The following PCDHA13 variants were observed in gnomAD, a reference collection of about 807,000 sequenced individuals.
PCDHA13 encodes the protein protocadherin alpha 13.
A neutral mutation model predicts 64.8 loss-of-function variants in PCDHA13; 54 were observed. The ratio of observed to expected loss-of-function variants is 0.83; its 90% CI spans 0.67 to 1.04. The LOEUF (loss-of-function observed/expected upper bound fraction) is 1.04, where lower values mean the gene tolerates loss of function less well. Among genes scored for constraint, PCDHA13 ranks in the 50% least tolerant of loss-of-function variants. The pLI is 0.00. For synonymous variants in PCDHA13, 587 were observed against 564.4 expected, an observed-to-expected ratio of 1.04 and a Z score of -0.57; for missense variants, 1,248 against 1,254.3, an observed-to-expected ratio of 0.99 and a Z score of 0.08.
chr5:140,965,496 A>ATT lies in PCDHA13; in HGVS notation c.2395-13439_2395-13438dup, dbSNP rs71766133. On this transcript the variant is annotated intron_variant, in intron 1 of 3. Coordinates refer to ENST00000289272, the MANE Select transcript of PCDHA13 (RefSeq NM_018904.3). Reference sequence around the variant, plus strand: ...CCCACATTTTGCTTAATGACAGCAGATTTTTTTTTTTTTTTAACTGCAAAG... The same window carrying ATT: ...CCCACATTTTGCTTAATGACAGCAGATTTTTTTTTTTTTTTTTAACTGCAAAG... Among the ~76,000 whole-genome samples the ATT allele has an allele frequency of 3.3e-3, 482 of 146,482 alleles. 3 individuals are homozygous for ATT. The highest frequency in any genetic ancestry group is 0.011 in the African/African-American group (455 of 40,032).
At chr5:140,999,398 A>G (rs17119351) in intron 3 of PCDHA13, among the ~76,000 whole-genome samples, 13,435 of 152,202 alleles carry the variant, frequency 0.088, 686 homozygotes, top group African/African-American at 0.14. Flanking sequence ...TTTGTTTTGC[A>G]TATGAAAGAA....
At chr5:140,957,029 T>G (rs782472701) in intron 1 of PCDHA13, among the ~76,000 whole-genome samples, 4 of 152,190 alleles carry the variant, frequency 2.6e-5, no homozygotes, top group African/African-American at 4.8e-5. Flanking sequence ...TTTAGATATT[T>G]ATGGGAGTCA....
rs782194896 is a variant in PCDHA13 at position 140,992,662 on chromosome 5, G to A, written c.2542+10099G>A. Among the ~76,000 whole-genome samples, 4 of 152,160 alleles carry A rather than the reference G, an allele frequency of 2.6e-5. 1 individual carries two copies. The highest frequency in any genetic ancestry group is 5.9e-5 in the Non-Finnish European group (4 of 68,028). ...GAAAATAGAAGAAAGAGCCTGATTGGTGTGTATGTGTGTGTTAGGGGTTGA... is the reference window on the plus strand; with the variant it reads ...GAAAATAGAAGAAAGAGCCTGATTGATGTGTATGTGTGTGTTAGGGGTTGA... On this transcript the variant is annotated intron_variant, in intron 3 of 3. Transcript: ENST00000289272.
At position 140,900,792 on chromosome 5, in the gene PCDHA13, C is replaced by T. The variant is rs373914544; in HGVS notation, c.2394+16130C>T. On this transcript the variant is annotated intron_variant, in intron 1 of 3. Transcript: ENST00000289272. ...CTTTTTGAGGAAACTCCAAACTGTT[C>T]TCCATAGTGCTTGTACTAATTTACA... 1.1e-4 allele frequency among the ~76,000 whole-genome samples: 16 copies of T among 152,298 alleles called. No individual in the cohort carries two copies. The South Asian group carries it at 1.5e-3, about 14-fold the overall frequency.
chr5:140,910,661 A>G (rs1289499574), intron 1 of PCDHA13, among the ~76,000 whole-genome samples: 1 of 152,186 alleles, frequency 6.6e-6, no homozygotes, highest in Non-Finnish European at 1.5e-5. Context: ...CTTCCTCTAC[A>G]TTAAACCAAG....
chr5:140,999,678 G>A (rs1204037119), intron 3 of PCDHA13, among the ~76,000 whole-genome samples: 2 of 152,112 alleles, frequency 1.3e-5, no homozygotes, highest in East Asian at 1.9e-4. Context: ...GGGGCTCACA[G>A]AAAGAAGAAA....
chr5:141,009,582 G>A, intron 3 of PCDHA13, 45 bp from the exon 4 acceptor site: 1 of 1,590,226 alleles, frequency 6.3e-7, no homozygotes, highest in Non-Finnish European at 8.6e-7. Context: ...GGCATCAAGA[G>A]CATGTGTTGA....
chr5:140,884,456 G>A lies in PCDHA13; in HGVS notation c.2188G>A (p.Gly730Ser), dbSNP rs1460569799. 2.5e-6 allele frequency: 4 copies of A among 1,613,650 alleles called. No individual in the cohort carries two copies. In the African/African-American group the frequency reaches 5.3e-5, roughly 22 times the overall value. ...ALRCSAPPTEGACAPGKPTLV... is the reference protein window; with the variant it reads ...ALRCSAPPTESACAPGKPTLV... The stretch of plus-strand genomic sequence containing the variant: ...GCGGTGCTCGGCACCGCCCACCGAG[G>A]GCGCGTGCGCGCCGGGCAAGCCCAC... The change falls in exon 1 of 4, where the codon GGC becomes AGC. Residue 730 changes from glycine (G) to serine (S), a missense_variant. Physicochemically the swap from Gly to Ser is moderately conservative, Grantham distance 56. Coordinates refer to ENST00000289272, the MANE Select transcript of PCDHA13 (RefSeq NM_018904.3).
intron 1 of PCDHA13, among the ~76,000 whole-genome samples, chr5:140,964,843 T>C (rs1229980696): frequency 6.6e-6 from 1 of 152,162 alleles, no homozygotes; most frequent in African/African-American, 2.4e-5. Flanking sequence ...TCCTACTCTG[T>C]ACCCTTGAGG....
At chr5:140,990,512 CTT>C (rs1323641272) in intron 3 of PCDHA13, among the ~76,000 whole-genome samples, 1 of 152,202 alleles carries the variant, frequency 6.6e-6, no homozygotes, top group African/African-American at 2.4e-5. Context: ...AGTCTTCTCT[CTT>C]GTCTTTTTTG....
In PCDHA13 at chr5:140,884,439, C is replaced by T. The variant is rs1554181562; in HGVS notation, c.2171C>T (p.Ser724Leu). 6.2e-7 allele frequency: 1 copy of T among 1,613,818 alleles called. No homozygotes were observed. The highest frequency in any genetic ancestry group is 8.5e-7 in the Non-Finnish European group (1 of 1,179,818). ...TLLLYTALRC[S>L]APPTEGACAP... ...CTGCTGTATACTGCGCTGCGGTGCT[C>T]GGCACCGCCCACCGAGGGCGCGTGC... is the stretch of plus-strand genomic sequence containing the variant. The change falls in exon 1 of 4, where the codon TCG (serine) becomes TTG (leucine). Residue 724 changes from serine (S) to leucine (L), a missense_variant. Transcript: ENST00000289272.
chr5:140,910,715 A>C (rs2075137767), intron 1 of PCDHA13, among the ~76,000 whole-genome samples: 1 of 152,118 alleles, frequency 6.6e-6, no homozygotes, highest in Admixed American at 6.5e-5. Flanking sequence ...GCCATCTTTT[A>C]ATCCATATTT....
intron 3 of PCDHA13, among the ~76,000 whole-genome samples, chr5:140,993,344 A>G (rs1379621962): frequency 1.3e-5 from 2 of 152,022 alleles, no homozygotes; most frequent in Admixed American, 6.6e-5. Context: ...GAAGGGCACT[A>G]CGAAGATCCT....
intron 1 of PCDHA13, among the ~76,000 whole-genome samples, chr5:140,917,076 T>C (rs986884478): frequency 1.3e-5 from 2 of 152,124 alleles, no homozygotes; most frequent in East Asian, 3.9e-4. Flanking sequence ...CCGAGTTTAA[T>C]GTAAAGTTCC....
At chr5:140,968,020 C>G (rs1554230190) in intron 1 of PCDHA13, 1 of 1,614,202 alleles carries the variant, frequency 6.2e-7, no homozygotes, top group Non-Finnish European at 8.5e-7. Context: ...TTGGAAACTC[C>G]TATACACTGG....
intron 1 of PCDHA13, chr5:140,967,556 G>A (rs1586226034): frequency 6.2e-7 from 1 of 1,614,030 alleles, no homozygotes; most frequent in East Asian, 2.2e-5. Context: ...CACTTATCGC[G>A]TCCAGCTACG....
At chr5:140,901,942 T>C (rs1307043698) in intron 1 of PCDHA13, among the ~76,000 whole-genome samples, 4 of 152,128 alleles carry the variant, frequency 2.6e-5, no homozygotes, top group Non-Finnish European at 5.9e-5. Flanking sequence ...TAGGTATATT[T>C]AGTTTTATTC....
At position 140,882,769 on chromosome 5, in the gene PCDHA13, A is replaced by C; in HGVS notation, c.501A>C (p.Ala167=). 1 of 1,614,242 alleles carries C rather than the reference A, an allele frequency of 6.2e-7. No homozygotes were observed. The highest frequency in any genetic ancestry group is 1.7e-5 in the Admixed American group (1 of 60,034). ...ASDADIGVNS[A]LTYRLDPNDY... ...ATGCAGATATTGGAGTAAACTCGGC[A>C]TTGACCTACCGACTGGATCCCAACG... Residue 167 remains alanine, a synonymous_variant, in exon 1 of 4, where the codon GCA becomes GCC. Coordinates refer to ENST00000289272, the MANE Select transcript of PCDHA13 (RefSeq NM_018904.3).
intron 3 of PCDHA13, among the ~76,000 whole-genome samples, chr5:141,005,561 G>T (rs1554260149): frequency 6.6e-6 from 1 of 151,354 alleles, no homozygotes. Flanking sequence ...AATTAGCCGG[G>T]CATGGTGGCG....
Sources: allele counts gnomAD v4.1 joint callset (sites outside exome capture counted in the v4.1 genomes callset), GRCh38; gene constraint gnomAD v4.1.1; transcripts MANE v1.5; gene names NCBI Gene and HGNC (gene_info 2026-07-23, HGNC 2026-07-21).